Variants in CIITA observed in about 807,000 individuals in gnomAD.
The protein encoded by CIITA is class II major histocompatibility complex transactivator.
Under a neutral mutation model 115.1 loss-of-function variants are expected in CIITA, and 72 were observed. The ratio of observed to expected loss-of-function variants is 0.63; its 90% CI spans 0.52 to 0.76. The LOEUF (loss-of-function observed/expected upper bound fraction) is 0.76, where lower values mean the gene tolerates loss of function less well. CIITA is among the 30% of genes least tolerant of loss of function. The pLI is 0.00. For missense variants in CIITA, 1,617 were observed against 1,463.8 expected, an observed-to-expected ratio of 1.10 and a Z score of -1.71; for synonymous variants, 763 against 635.6, an observed-to-expected ratio of 1.20 and a Z score of -3.02.
In CIITA at chr16:10,930,276, T is replaced by G. The variant is rs2040727069; in HGVS notation, c.*6421T>G. Reference sequence around the variant, plus strand: ...CACTGAACATCTCGCAGAACTTGTATGTTAAACATGTGACATGTATTGTTG... The same window carrying G: ...CACTGAACATCTCGCAGAACTTGTAGGTTAAACATGTGACATGTATTGTTG... On this transcript the variant is annotated 3_prime_UTR_variant, in exon 20 of 20. Coordinates refer to ENST00000324288, the MANE Select transcript of CIITA (RefSeq NM_000246.4). The G allele has an allele frequency of 6.6e-6, 1 of 152,270 alleles. No individual in the cohort carries two copies. Among genetic ancestry groups the G allele is most frequent in the Admixed American group, 6.5e-5 (1 of 15,278 alleles). 9.4% of individuals were successfully genotyped at this position (152,270 alleles called of 1,614,324 possible).
At chr16:10,888,581 T>C (rs879452570) in intron 1 of CIITA, 3 of 152,250 alleles carry the variant, frequency 2.0e-5, no homozygotes, top group Non-Finnish European at 2.9e-5. Flanking sequence ...AAATCCTGCA[T>C]GCAGTGTGAA....
chr16:10,900,319 G>A (rs955151066), intron 5 of CIITA, among the ~76,000 whole-genome samples: 2 of 152,126 alleles, frequency 1.3e-5, no homozygotes, highest in Non-Finnish European at 2.9e-5. Context: ...CTGTCTGGGA[G>A]GTCACGTTCC....
chr16:10,902,087 C>A lies in CIITA; in HGVS notation c.531C>A (p.Ser177Arg), dbSNP rs188055251. 3.7e-6 allele frequency: 6 copies of A among 1,614,002 alleles called. No homozygotes were observed. The highest frequency in any genetic ancestry group is 4.2e-6 in the Non-Finnish European group (5 of 1,180,030). Reference protein sequence around the residue: ...VTGSLLVGPVSDCSTLPCLPL... With the variant: ...VTGSLLVGPVRDCSTLPCLPL... ...GCAGTCTCCTAGTGGGACCAGTGAG[C>A]GACTGCTCCACCCTGCCCTGCCTGC... Residue 177 changes from serine to arginine, a missense_variant, in exon 7 of 20, where the codon AGC becomes AGA. Ser to Arg is a moderately radical substitution (Grantham distance 110). Transcript: ENST00000324288.
At position 10,895,775 on chromosome 16, in the gene CIITA, A is replaced by C. The variant is rs1398834960; in HGVS notation, c.295+11A>C. The C allele has an allele frequency of 6.8e-6, 11 of 1,613,680 alleles. No individual in the cohort carries two copies. The highest frequency in any genetic ancestry group is 9.3e-6 in the Non-Finnish European group (11 of 1,179,634). Reference sequence around the variant, plus strand: ...CTTATGCCAATATCGGTGAGGAAGCACCTGAGCCCAGAAAAGGACAATCAA... The same window carrying C: ...CTTATGCCAATATCGGTGAGGAAGCCCCTGAGCCCAGAAAAGGACAATCAA... On this transcript the variant is annotated intron_variant, in intron 3 of 19. Coordinates refer to ENST00000324288, the MANE Select transcript of CIITA (RefSeq NM_000246.4).
intron 1 of CIITA, among the ~76,000 whole-genome samples, chr16:10,886,968 C>A (rs1202790728): frequency 6.6e-6 from 1 of 152,188 alleles, no homozygotes; most frequent in Non-Finnish European, 1.5e-5. Flanking sequence ...CTCTTTGGGG[C>A]CAGTAAGGAA....
rs75483410 is a variant in CIITA, at chr16:10,903,713, T to G, written c.773-18T>G. On this transcript the variant is annotated intron_variant, in intron 8 of 19. Transcript: ENST00000324288. ...CAATACCTGGTTATTCTCACACCAC[T>G]CTCCACCCCCAATGTAGGTGAGGTG... 3,639 of 1,613,982 alleles carry G rather than the reference T, an allele frequency of 2.3e-3. 6 individuals are homozygous for G. Among genetic ancestry groups the G allele is most frequent in the Non-Finnish European group, 2.9e-3 (3,367 of 1,179,920 alleles).
chr16:10,883,343 G>A (rs1020146263), intron 1 of CIITA, among the ~76,000 whole-genome samples: 1 of 152,188 alleles, frequency 6.6e-6, no homozygotes, highest in African/African-American at 2.4e-5. Flanking sequence ...CCAGGCAAGC[G>A]GGGAAGGGAA....
intron 1 of CIITA, among the ~76,000 whole-genome samples, chr16:10,877,617 A>G (rs12928665): frequency 0.23 from 35,243 of 152,000 alleles, 4,581 homozygotes; most frequent in East Asian, 0.57. Context: ...TCAGCACCGA[A>G]AGGTTCTAGA....
At chr16:10,882,330 G>T (rs1019400679) in intron 1 of CIITA, among the ~76,000 whole-genome samples, 2 of 152,210 alleles carry the variant, frequency 1.3e-5, no homozygotes, top group African/African-American at 4.8e-5. Flanking sequence ...TGAGAGGAAA[G>T]ACCTGGAAGC....
intron 1 of CIITA, among the ~76,000 whole-genome samples, chr16:10,895,003 A>T (rs2037977677): frequency 6.6e-6 from 1 of 152,176 alleles, no homozygotes; most frequent in African/African-American, 2.4e-5. Context: ...CAAATGTGGG[A>T]CGGGTCTCCT....
At chr16:10,873,921 C>A (rs1172924564), upstream of CIITA, among the ~76,000 whole-genome samples, 3 of 152,110 alleles carry the variant, frequency 2.0e-5, no homozygotes, top group African/African-American at 7.2e-5. Flanking sequence ...CTCGGGGAAT[C>A]CTCATCACCT....
At position 10,941,778 on chromosome 16, in the gene CIITA, G is replaced by A; in HGVS notation, n.904G>A. 2 of 1,613,706 alleles carry A rather than the reference G, an allele frequency of 1.2e-6. No individual in the cohort carries two copies. Among genetic ancestry groups the A allele is most frequent in the Non-Finnish European group, 1.7e-6 (2 of 1,179,824 alleles). Reference sequence around the variant, plus strand: ...AGTCAGCATCGTAAAGGCCCGAGCCGGGGTCGGAGAGCACGCCGAGGTCCA... The same window carrying A: ...AGTCAGCATCGTAAAGGCCCGAGCCAGGGTCGGAGAGCACGCCGAGGTCCA... On this transcript the variant is annotated non_coding_transcript_exon_variant, in exon 2 of 2. Coordinates refer to the CIITA transcript ENST00000573379. This position sits in a 1 kb window ranked among gnomAD's most constrained non-coding sequence, Gnocchi z 6.4.
chr16:10,902,300 G>A, intron 7 of CIITA, 116 bp downstream of exon 7: 1 of 1,421,198 alleles, frequency 7.0e-7, no homozygotes, highest in Non-Finnish European at 9.6e-7. Context: ...AACCCTATCA[G>A]TGTCACTCAC....
chr16:10,871,658 G>A (rs928925573), intron 1 of CIITA, among the ~76,000 whole-genome samples: 1 of 152,192 alleles, frequency 6.6e-6, no homozygotes, highest in African/African-American at 2.4e-5. Flanking sequence ...AGAAACCAGA[G>A]CTGTGACACA....
At position 10,907,229 on chromosome 16, in the gene CIITA, G is replaced by A; in HGVS notation, c.1737G>A (p.Met579Ile). 6.2e-7 allele frequency: 1 copy of A among 1,613,494 alleles called. No homozygotes were observed. Among genetic ancestry groups the A allele is most frequent in the Non-Finnish European group, 8.5e-7 (1 of 1,179,994 alleles). ...TGGAGCAGGCCCAGGCATACGTGAT[G>A]CGCTACTTTGAGAGCTCAGGGATGA... is the stretch of plus-strand genomic sequence containing the variant. Reference protein sequence around the residue: ...FSMEQAQAYVMRYFESSGMTE... With the variant: ...FSMEQAQAYVIRYFESSGMTE... Residue 579 changes from methionine (M) to isoleucine (I), a missense_variant, in exon 11 of 20, where the codon ATG (methionine) becomes ATA (isoleucine). Transcript: ENST00000324288. This position sits in a 1 kb window ranked among gnomAD's most constrained non-coding sequence, Gnocchi z 5.0.
rs1015425700 is a variant in CIITA at position 10,929,545 on chromosome 16, T to C, written c.*5690T>C. ...GAACCTCTCTGTTGGCACGAAGCTT[T>C]TGAGGGGAGCAGGTCTAACAAGAAG... On this transcript the variant is annotated 3_prime_UTR_variant, in exon 20 of 20. Transcript: ENST00000324288. This position sits in a 1 kb window ranked among gnomAD's most constrained non-coding sequence, Gnocchi z 4.3. The C allele has an allele frequency of 3.0e-6, 3 of 985,328 alleles. No homozygotes were observed. In the African/African-American group the frequency reaches 5.2e-5, roughly 17 times the overall value. 61.0% of individuals were successfully genotyped at this position (985,328 alleles called of 1,614,324 possible).
intron 15 of CIITA, chr16:10,917,046 T>TG: frequency 8.7e-6 from 2 of 230,898 alleles, no homozygotes; most frequent in Non-Finnish European, 8.6e-6. Context: ...AAAATTATAC[T>TG]GGGGGGTGAA....
In CIITA at chr16:10,907,700, C is replaced by G; in HGVS notation, c.2208C>G (p.Tyr736Ter). Reference sequence around the variant, plus strand: ...TCAAGGACAAGGAGCTCCCGCAGTACCTAGCATTGACCCCAAGGAAGAAGA... The same window carrying G: ...TCAAGGACAAGGAGCTCCCGCAGTAGCTAGCATTGACCCCAAGGAAGAAGA... ...GEIKDKELPQ[Y>*]LALTPRKKRP... The change falls in exon 11 of 20, where the codon TAC becomes TAG. Residue 736 changes from tyrosine to a stop codon, truncating the protein, a stop_gained. Coordinates refer to ENST00000324288, the MANE Select transcript of CIITA (RefSeq NM_000246.4). LOFTEE classifies it high-confidence loss of function. This position sits in a 1 kb window ranked among gnomAD's most constrained non-coding sequence, Gnocchi z 5.0. 5 of 1,614,248 alleles carry G rather than the reference C, an allele frequency of 3.1e-6. No homozygotes were observed. The highest frequency in any genetic ancestry group is 4.2e-6 in the Non-Finnish European group (5 of 1,180,042).
In CIITA at chr16:10,901,946, C is replaced by G; in HGVS notation, c.482-92C>G. 2 of 1,530,824 alleles carry G rather than the reference C, an allele frequency of 1.3e-6. No individual in the cohort carries two copies. Among genetic ancestry groups the G allele is most frequent in the Non-Finnish European group, 9.0e-7 (1 of 1,112,644 alleles). 94.8% of individuals were successfully genotyped at this position (1,530,824 alleles called of 1,614,324 possible). A position where few individuals can be genotyped will look rare whatever the true frequency, so the allele number is the denominator to read the frequency against. On this transcript the variant is annotated intron_variant, in intron 6 of 19. Coordinates refer to ENST00000324288, the MANE Select transcript of CIITA (RefSeq NM_000246.4). The surrounding 1 kb of genome is among the most constrained non-coding windows in gnomAD (Gnocchi z 6.8). ...AGAAGATGACAAGCATTTCCTCTGT[C>G]AGGAGAGACATCCATGCCACTCCAG...
Sources: gnomAD v4.1 joint callset for allele counts (sites outside exome capture counted in the v4.1 genomes callset) on GRCh38, gnomAD v4.1.1 for gene constraint, Gnocchi (gnomAD v3.1) non-coding constraint, MANE v1.5 for transcripts, NCBI Gene and HGNC (gene_info 2026-07-23, HGNC 2026-07-21) for gene names.